Variants in NAALADL2 observed in about 807,000 individuals in gnomAD.
NAALADL2 encodes the protein N-acetylated alpha-linked acidic dipeptidase like 2, also known as inactive N-acetylated-alpha-linked acidic dipeptidase-like protein 2.
In NAALADL2, 76 loss-of-function variants were observed where a neutral mutation model predicts 87.2. That is an observed-to-expected ratio of 0.87 (90% CI 0.72 to 1.05). The LOEUF (loss-of-function observed/expected upper bound fraction) is 1.05. Among genes scored for constraint, NAALADL2 ranks in the 50% least tolerant of loss-of-function variants. The pLI, the probability that NAALADL2 is intolerant of heterozygous loss-of-function variation, is 0.00. For synonymous variants in NAALADL2, 354 were observed against 331.0 expected (o/e 1.07, Z -0.75); for missense variants, 1,089 against 945.8 (o/e 1.15, Z -1.99).
chr3:174,463,610 T>C (rs1361121735), intron 1 of NAALADL2, among the ~76,000 whole-genome samples: 1 of 149,322 alleles, frequency 6.7e-6, no homozygotes, highest in Non-Finnish European at 1.5e-5. Context: ...TTTTTTTTTT[T>C]TTTTTTTTGA....
intron 10 of NAALADL2, among the ~76,000 whole-genome samples, chr3:175,594,500 A>C (rs1721979267): frequency 6.6e-6 from 1 of 152,060 alleles, no homozygotes; most frequent in Non-Finnish European, 1.5e-5. Flanking sequence ...TTGGTGGAAT[A>C]ATTTATTTCC....
At chr3:175,591,064 C>A (rs1377610755) in intron 10 of NAALADL2, among the ~76,000 whole-genome samples, 1 of 152,078 alleles carries the variant, frequency 6.6e-6, no homozygotes, top group Non-Finnish European at 1.5e-5. Context: ...TACGGCATTG[C>A]ACTCTATCAT....
intron 2 of NAALADL2, among the ~76,000 whole-genome samples, chr3:175,143,559 A>G (rs1421365840): frequency 6.6e-6 from 1 of 151,568 alleles, no homozygotes; most frequent in East Asian, 1.9e-4. Flanking sequence ...GCCAAAAAAA[A>G]AAAAAAAAAA....
At chr3:175,504,586 TCTCTCTC>T in intron 9 of NAALADL2, among the ~76,000 whole-genome samples, 1 of 107,854 alleles carries the variant, frequency 9.3e-6, no homozygotes, top group South Asian at 2.9e-4. Context: ...TCTCTCTCTC[TCTCTCTC>T]TCTCTCTCTC....
At chr3:175,251,817 A>G (rs59418913) in intron 3 of NAALADL2, among the ~76,000 whole-genome samples, 4,630 of 152,282 alleles carry the variant, frequency 0.03, 230 homozygotes, top group African/African-American at 0.1. Context: ...TTTGAAGGCA[A>G]TGGATACATT....
rs1021732848 is a variant in NAALADL2, at chr3:175,363,424, A to G, written c.1090+39099A>G. Among the ~76,000 whole-genome samples, 22 of 147,700 alleles carry G rather than the reference A, an allele frequency of 1.5e-4. 1 individual carries two copies. Among genetic ancestry groups the G allele is most frequent in the Admixed American group, 2.8e-4 (4 of 14,404 alleles). ...TATTTAAACATAAAATACCAAAAAT[A>G]TAACTGGAGACTTCGCATGGCCATG... On this transcript the variant is annotated intron_variant, in intron 5 of 13. Transcript: ENST00000454872.
intron 10 of NAALADL2, among the ~76,000 whole-genome samples, chr3:175,625,354 T>G (rs1260972294): frequency 6.6e-6 from 1 of 152,040 alleles, no homozygotes. Flanking sequence ...ATTCAAAGCT[T>G]GCTTGCAAGT....
At chr3:174,648,896 G>C (rs1167698707) in intron 2 of NAALADL2, among the ~76,000 whole-genome samples, 1 of 152,066 alleles carries the variant, frequency 6.6e-6, no homozygotes, top group Non-Finnish European at 1.5e-5. Context: ...GAGAGAGGTT[G>C]GTTTTATATC....
intron 2 of NAALADL2, among the ~76,000 whole-genome samples, chr3:174,647,485 T>A (rs1052165452): frequency 6.6e-6 from 1 of 152,204 alleles, no homozygotes; most frequent in Non-Finnish European, 1.5e-5. Context: ...GGGCATAGGG[T>A]GGCCAGACTT....
intron 1 of NAALADL2, among the ~76,000 whole-genome samples, chr3:174,986,492 G>C (rs762278085): frequency 5.9e-5 from 9 of 151,684 alleles, no homozygotes; most frequent in Non-Finnish European, 1.3e-4. Flanking sequence ...TTTCTCATTA[G>C]CATATTAGTT....
chr3:175,160,137 C>T (rs2108834467), intron 2 of NAALADL2, among the ~76,000 whole-genome samples: 1 of 151,738 alleles, frequency 6.6e-6, no homozygotes, highest in Middle Eastern at 3.4e-3. Flanking sequence ...CTTTGTCAGG[C>T]CGCAAGTGAT....
In NAALADL2 at chr3:175,606,304, C is replaced by A. The variant is rs115451698; in HGVS notation, c.1801-20987C>A. 6.4e-3 allele frequency among the ~76,000 whole-genome samples: 966 copies of A among 151,718 alleles called. 6 individuals carry two copies. The highest frequency in any genetic ancestry group is 0.022 in the African/African-American group (915 of 41,420). ...TAGAAAAGCAAAGCCACTGGAAGAG[C>A]AAATCCCAATCCTGATATTTAGAGG... On this transcript the variant is annotated intron_variant, in intron 10 of 13. Transcript: ENST00000454872.
intron 12 of NAALADL2, among the ~76,000 whole-genome samples, chr3:175,746,315 GTTTTT>G (rs397765614): frequency 8.1e-6 from 1 of 123,412 alleles, no homozygotes; most frequent in African/African-American, 2.8e-5. Flanking sequence ...CACTTGGTTT[GTTTTT>G]TTTTTTTTTT....
Position 175,762,125 on chromosome 3 carries a change from A to G in NAALADL2, c.2189+6707A>G, listed in dbSNP as rs181012274. Reference sequence around the variant, plus strand: ...TCTTCTAGAAGTTTTATAGTATAGCATTTTACATTTAGGTCTATGATCCAT... The same window carrying G: ...TCTTCTAGAAGTTTTATAGTATAGCGTTTTACATTTAGGTCTATGATCCAT... On this transcript the variant is annotated intron_variant, in intron 13 of 13. Coordinates refer to ENST00000454872, the MANE Select transcript of NAALADL2 (RefSeq NM_207015.3). 2.7e-3 allele frequency among the ~76,000 whole-genome samples: 412 copies of G among 150,048 alleles called. 2 individuals carry two copies. Among genetic ancestry groups the G allele is most frequent in the African/African-American group, 9.5e-3 (389 of 40,818 alleles).
chr3:175,146,021 C>T (rs540320409), intron 2 of NAALADL2, among the ~76,000 whole-genome samples: 6 of 151,884 alleles, frequency 4.0e-5, no homozygotes, highest in South Asian at 4.1e-4. Context: ...CAGTTTCCAC[C>T]TTTGTCAGAA....
chr3:174,669,441 C>T (rs1726307566), intron 2 of NAALADL2, among the ~76,000 whole-genome samples: 1 of 152,052 alleles, frequency 6.6e-6, no homozygotes, highest in Non-Finnish European at 1.5e-5. Context: ...TAAGGGTCAA[C>T]TTCATTCTGT....
chr3:175,190,665 T>C (rs1342941181), intron 2 of NAALADL2, among the ~76,000 whole-genome samples: 1 of 152,010 alleles, frequency 6.6e-6, no homozygotes, highest in Non-Finnish European at 1.5e-5. Context: ...TAAAAAGATG[T>C]GGGTCAGAGG....
At chr3:174,542,371 G>A (rs1177375971) in intron 1 of NAALADL2, among the ~76,000 whole-genome samples, 1 of 152,136 alleles carries the variant, frequency 6.6e-6, no homozygotes, top group Non-Finnish European at 1.5e-5. Flanking sequence ...CATGGACTCT[G>A]CTTAGTGTTG....
intron 1 of NAALADL2, among the ~76,000 whole-genome samples, chr3:174,531,370 C>A (rs1721223782): frequency 6.6e-6 from 1 of 152,006 alleles, no homozygotes; most frequent in Non-Finnish European, 1.5e-5. Context: ...AGTGGGATTA[C>A]CTTTTAACTC....
Sources: allele counts gnomAD v4.1 joint callset (sites outside exome capture counted in the v4.1 genomes callset), GRCh38; gene constraint gnomAD v4.1.1; transcripts MANE v1.5; gene names NCBI Gene and HGNC (gene_info 2026-07-23, HGNC 2026-07-21).